The following DNM3 variants were observed in gnomAD, a reference collection of about 807,000 sequenced individuals.
DNM3 encodes the protein dynamin 3.
In DNM3, 47 loss-of-function variants were observed where a neutral mutation model predicts 101.6. The observed-to-expected ratio is 0.46, with a 90% CI of 0.37 to 0.59. The LOEUF (loss-of-function observed/expected upper bound fraction) is 0.59, where lower values mean the gene tolerates loss of function less well. Among genes scored for constraint, DNM3 ranks in the 20% least tolerant of loss-of-function variants. The pLI is 0.00. For synonymous variants in DNM3, 385 were observed against 387.9 expected, an observed-to-expected ratio of 0.99 and a Z score of 0.09; for missense variants, 849 against 1,085.7, an observed-to-expected ratio of 0.78 and a Z score of 3.06.
intron 2 of DNM3, among the ~76,000 whole-genome samples, chr1:171,984,215 G>T (rs2045060605): frequency 6.6e-6 from 1 of 152,064 alleles, no homozygotes; most frequent in African/African-American, 2.4e-5. Flanking sequence ...GCTCATCATT[G>T]TCTGTCCTCA....
At chr1:172,334,388 C>T (rs138664252) in intron 17 of DNM3, among the ~76,000 whole-genome samples, 2 of 152,256 alleles carry the variant, frequency 1.3e-5, no homozygotes, top group Non-Finnish European at 2.9e-5. Flanking sequence ...TTACAACTGG[C>T]ATTTAGTGGG....
chr1:172,232,449 A>G (rs893222648), intron 14 of DNM3, among the ~76,000 whole-genome samples: 4 of 152,302 alleles, frequency 2.6e-5, no homozygotes, highest in Middle Eastern at 3.4e-3. Flanking sequence ...GGAGACTTTA[A>G]CACCCCACTG....
chr1:172,099,567 A>G (rs1310953865), intron 13 of DNM3, among the ~76,000 whole-genome samples: 1 of 151,800 alleles, frequency 6.6e-6, no homozygotes, highest in Non-Finnish European at 1.5e-5. Flanking sequence ...GCTTGTGCCC[A>G]GGAAAAAAAA....
chr1:172,037,842 C>T (rs1402889933), intron 6 of DNM3, among the ~76,000 whole-genome samples: 1 of 152,210 alleles, frequency 6.6e-6, no homozygotes, highest in East Asian at 1.9e-4. Context: ...TAACAGCTGA[C>T]AGGTGCCTCT....
At chr1:172,204,624 C>T (rs1452656763) in intron 14 of DNM3, among the ~76,000 whole-genome samples, 2 of 152,144 alleles carry the variant, frequency 1.3e-5, no homozygotes, top group Non-Finnish European at 2.9e-5. Context: ...ACACGTTTCT[C>T]CCAAACTACA....
At chr1:171,843,945 CAAAGA>C (rs1192721618) in intron 1 of DNM3, among the ~76,000 whole-genome samples, 1 of 152,048 alleles carries the variant, frequency 6.6e-6, no homozygotes, top group Admixed American at 6.5e-5. Context: ...AACGCCAAAT[CAAAGA>C]AAAGGATGAC....
In DNM3 at chr1:172,387,125, T is replaced by C. The variant is rs754194749; in HGVS notation, c.2059-8T>C. 6.2e-7 allele frequency: 1 copy of C among 1,606,672 alleles called. No individual in the cohort carries two copies. The highest frequency in any genetic ancestry group is 8.5e-7 in the Non-Finnish European group (1 of 1,173,306). ...TCCCATTTTTATTTCTCTGTGGTGA[T>C]CTGACAGGTTAAAGATTTCATAAAT... On this transcript the variant is annotated splice_region_variant and splice_polypyrimidine_tract_variant and intron_variant, in intron 18 of 20. Coordinates refer to ENST00000627582, the MANE Select transcript of DNM3 (RefSeq NM_015569.5).
rs1014303893 is a variant in DNM3 at position 172,409,596 on chromosome 1, A to G, written c.*1755A>G. On this transcript the variant is annotated 3_prime_UTR_variant, in exon 21 of 21. Transcript: ENST00000627582. ...CTCACCCCAAACCCCAAACTGGGGG[A>G]AAAAAAGTTAACTCTTTGTGAATGG... The G allele has an allele frequency of 1.8e-5, 18 of 978,096 alleles. No homozygotes were observed. The highest frequency in any genetic ancestry group is 5.4e-4 in the Middle Eastern group (1 of 1,854). 60.6% of individuals were successfully genotyped at this position (978,096 alleles called of 1,614,324 possible).
chr1:172,056,637 C>G (rs1193420988), intron 10 of DNM3, among the ~76,000 whole-genome samples: 1 of 151,878 alleles, frequency 6.6e-6, no homozygotes, highest in East Asian at 1.9e-4. Flanking sequence ...AGGGTCCTGT[C>G]TGTTAGAAGG....
intron 18 of DNM3, among the ~76,000 whole-genome samples, chr1:172,380,021 A>G (rs962326140): frequency 8.5e-5 from 13 of 152,132 alleles, no homozygotes; most frequent in African/African-American, 3.1e-4. Context: ...ATTTAATCCA[A>G]TGATAAATTA....
In DNM3 at chr1:172,386,990, C is replaced by T. The variant is rs76065627; in HGVS notation, c.2059-143C>T. 5.3e-4 allele frequency: 347 copies of T among 653,330 alleles called. 4 individuals carry two copies. The African/African-American group carries it at 5.4e-3, about 10-fold the overall frequency. The allele number at this position is 653,330 out of a possible 1,614,324, so 40.5% of individuals were successfully genotyped here. ...TAGAGACAAAACAAAAGTAAACAGA[C>T]GCTTGGTGCTTCACTTTTCCCAGGG... On this transcript the variant is annotated intron_variant, in intron 18 of 20. Coordinates refer to ENST00000627582, the MANE Select transcript of DNM3 (RefSeq NM_015569.5).
chr1:172,364,781 T>A (rs1277852282), intron 17 of DNM3, among the ~76,000 whole-genome samples: 1 of 151,836 alleles, frequency 6.6e-6, no homozygotes, highest in African/African-American at 2.4e-5. Flanking sequence ...CTAGTGACAG[T>A]GAGTGAGTTC....
chr1:172,110,879 T>C (rs578091252), intron 13 of DNM3, among the ~76,000 whole-genome samples: 18 of 152,166 alleles, frequency 1.2e-4, no homozygotes, highest in African/African-American at 4.1e-4. Flanking sequence ...CTACGAAAGA[T>C]ACAAAAATTA....
intron 14 of DNM3, among the ~76,000 whole-genome samples, chr1:172,184,266 C>A (rs1369268590): frequency 2.0e-5 from 3 of 152,036 alleles, no homozygotes; most frequent in African/African-American, 7.2e-5. Flanking sequence ...ACAACCTGAA[C>A]TGTTAAACAA....
chr1:172,378,191 T>G (rs541923882), intron 17 of DNM3: 1 of 152,194 alleles, frequency 6.6e-6, no homozygotes, highest in African/African-American at 2.4e-5. Context: ...CCATTTGTTC[T>G]AAATTGATTT....
intron 2 of DNM3, among the ~76,000 whole-genome samples, chr1:171,985,089 A>T (rs2045145890): frequency 6.6e-6 from 1 of 152,162 alleles, no homozygotes. Context: ...GGAGATCCAC[A>T]TTTGTGTTAA....
chr1:172,232,889 G>A (rs951590219), intron 14 of DNM3, among the ~76,000 whole-genome samples: 1 of 152,192 alleles, frequency 6.6e-6, no homozygotes, highest in African/African-American at 2.4e-5. Flanking sequence ...ATTTAAAGCA[G>A]TGTGTAGAGG....
chr1:172,235,961 G>A (rs559889007), intron 14 of DNM3, among the ~76,000 whole-genome samples: 35 of 152,086 alleles, frequency 2.3e-4, no homozygotes, highest in Admixed American at 9.2e-4. Context: ...AAACCTGCAC[G>A]TTGTGCACAT....
At chr1:172,368,846 TA>T (rs1377030378) in intron 17 of DNM3, among the ~76,000 whole-genome samples, 1 of 151,876 alleles carries the variant, frequency 6.6e-6, no homozygotes, top group African/African-American at 2.4e-5. Context: ...TGGAGACTTT[TA>T]TGAAGAATTA....
Sources: gnomAD v4.1 joint callset for allele counts (sites outside exome capture counted in the v4.1 genomes callset) on GRCh38, gnomAD v4.1.1 for gene constraint, MANE v1.5 for transcripts, NCBI Gene and HGNC (gene_info 2026-07-23, HGNC 2026-07-21) for gene names.